Variants in STAG2 observed in about 807,000 individuals in gnomAD.
STAG2 encodes cohesin subunit SA-2.
Under a neutral mutation model 108.1 loss-of-function variants are expected in STAG2, and 14 were observed. The ratio of observed to expected loss-of-function variants is 0.13; its 90% CI spans 0.09 to 0.20. STAG2 has a LOEUF of 0.20. Among genes scored for constraint, STAG2 ranks in the 10% least tolerant of loss-of-function variants. The pLI is 1.00. For synonymous variants in STAG2, 307 were observed against 302.7 expected (o/e 1.01, Z -0.15); for missense variants, 440 against 940.9 (o/e 0.47, Z 6.96).
At chrX:124,027,203 G>A (rs1218990094) in intron 4 of STAG2, among the ~76,000 whole-genome samples, 1 of 112,131 alleles carries the variant, frequency 8.9e-6, no homozygotes, top group Admixed American at 9.5e-5. Flanking sequence ...ACAGGTGTGA[G>A]CCACCACGCC....
At chrX:124,094,288 T>C in intron 33 of STAG2, 144 bp downstream of exon 33, 1 of 520,161 alleles carries the variant, frequency 1.9e-6, no homozygotes, top group Non-Finnish European at 3.1e-6. Context: ...TTTAGATATA[T>C]GGGAAGGGAT....
rs1365892346 is a variant in STAG2 at position 124,101,123 on chromosome X, A to C, written c.*526A>C. 2.0e-5 allele frequency: 3 copies of C among 146,943 alleles called. No homozygotes were observed. Among genetic ancestry groups the C allele is most frequent in the Non-Finnish European group, 4.0e-5 (3 of 74,227 alleles). 12.1% of individuals were successfully genotyped at this position (146,943 alleles called of 1,213,427 possible). A position where few individuals can be genotyped will look rare whatever the true frequency, so the allele number is the denominator to read the frequency against. On this transcript the variant is annotated 3_prime_UTR_variant, in exon 35 of 35. Coordinates refer to ENST00000371145, the MANE Select transcript of STAG2 (RefSeq NM_001042750.2). ...CGTCAATCAACAAAACTTTGTTTTA[A>C]ATATTGTAATTGTGGAGAAAAGTAA...
At chrX:124,026,898 G>GT (rs929823970) in intron 4 of STAG2, among the ~76,000 whole-genome samples, 6 of 110,479 alleles carry the variant, frequency 5.4e-5, no homozygotes, top group Admixed American at 9.7e-5. Flanking sequence ...AAATTTATTT[G>GT]TTTTTTTGGA....
intron 1 of STAG2, among the ~76,000 whole-genome samples, chrX:123,976,533 A>T (rs199430): frequency 0.31 from 34,014 of 108,202 alleles, 4,834 homozygotes; most frequent in African/African-American, 0.52. Context: ...GTTTTTTTTT[A>T]AAGAAATGTA....
intron 3 of STAG2, among the ~76,000 whole-genome samples, chrX:124,024,786 C>G (rs1242403175): frequency 9.0e-6 from 1 of 111,615 alleles, no homozygotes; most frequent in Non-Finnish European, 1.9e-5. Flanking sequence ...GATAGCCTTT[C>G]ACTTCGATTC....
chrX:124,005,482 T>C (rs1470568251), intron 1 of STAG2, among the ~76,000 whole-genome samples: 1 of 111,715 alleles, frequency 9.0e-6, no homozygotes, highest in Non-Finnish European at 1.9e-5. Flanking sequence ...CTTCCTCTAT[T>C]TGGTTTCTAA....
chrX:124,020,171 T>C (rs2056877802), intron 1 of STAG2, among the ~76,000 whole-genome samples: 1 of 112,451 alleles, frequency 8.9e-6, no homozygotes, highest in African/African-American at 3.2e-5. Context: ...TCGCACAATA[T>C]TCATTTTATT....
chrX:124,038,995 C>T lies in STAG2; in HGVS notation c.385+1372C>T, dbSNP rs1245923056. 3.6e-5 allele frequency among the ~76,000 whole-genome samples: 4 copies of T among 109,901 alleles called. No homozygotes were observed. The Admixed American group carries it at 3.9e-4, about 11-fold the overall frequency. On this transcript the variant is annotated intron_variant, in intron 6 of 34. Transcript: ENST00000371145. ...TTCTGGGGTAGGATGGATATAAGTA[C>T]CTGCTTGTTGTGTCATATAATCAAG...
intron 6 of STAG2, 32 bp from the exon 7 acceptor site, chrX:124,042,537 A>G (rs1400979548): frequency 4.8e-6 from 5 of 1,048,649 alleles, no homozygotes; most frequent in Non-Finnish European, 6.7e-6. Context: ...TTATCACACC[A>G]TATATTAACT....
intron 1 of STAG2, among the ~76,000 whole-genome samples, chrX:123,990,388 A>G (rs2055398360): frequency 8.9e-6 from 1 of 111,885 alleles, no homozygotes; most frequent in Non-Finnish European, 1.9e-5. Context: ...CCTCTGCCAC[A>G]CAGAGGTACT....
chrX:124,079,129 T>C (rs963484240), intron 27 of STAG2, among the ~76,000 whole-genome samples: 31 of 109,256 alleles, frequency 2.8e-4, no homozygotes, highest in African/African-American at 1.0e-3. Context: ...CTTTTAGGAA[T>C]GTCCTTTTTT....
chrX:124,058,443 G>A (rs942310243), intron 15 of STAG2, among the ~76,000 whole-genome samples: 4 of 112,298 alleles, frequency 3.6e-5, no homozygotes, highest in Non-Finnish European at 7.5e-5. Context: ...GAGCCACTGC[G>A]CCCGGTCACT....
rs2059350668 is a variant in STAG2 at position 124,095,272 on chromosome X, G to T, written c.3706-100G>T. On this transcript the variant is annotated intron_variant, in intron 33 of 34. Coordinates refer to ENST00000371145, the MANE Select transcript of STAG2 (RefSeq NM_001042750.2). The stretch of plus-strand genomic sequence containing the variant: ...TAAAATATTGTGTCAGGTACACTTG[G>T]AATCACATAGACCATGTGAAGAACT... The T allele has an allele frequency of 1.7e-5, 11 of 651,742 alleles. No individual in the cohort carries two copies. The Middle Eastern group carries it at 1.3e-3, about 76-fold the overall frequency. 53.7% of individuals were successfully genotyped at this position (651,742 alleles called of 1,213,427 possible).
At chrX:124,050,435 T>TAG in intron 11 of STAG2, 126 bp downstream of exon 11, 3 of 746,400 alleles carry the variant, frequency 4.0e-6, no homozygotes, top group Non-Finnish European at 5.5e-6. Flanking sequence ...CCTTTATTCT[T>TAG]TTCTATCTTC....
intron 1 of STAG2, among the ~76,000 whole-genome samples, chrX:123,998,333 ATT>A (rs774285658): frequency 4.3e-5 from 4 of 93,427 alleles, no homozygotes; most frequent in Non-Finnish European, 4.3e-5. Flanking sequence ...TGCCCAACTA[ATT>A]TTTTTTTTTT....
At chrX:124,037,856 T>C (rs759486666) in intron 6 of STAG2, among the ~76,000 whole-genome samples, 3 of 112,637 alleles carry the variant, frequency 2.7e-5, no homozygotes, top group Non-Finnish European at 3.7e-5. Context: ...TTTATAATTA[T>C]TATGTTACTT....
intron 1 of STAG2, among the ~76,000 whole-genome samples, chrX:123,964,960 CTTTT>C (rs33913146): frequency 1.2e-5 from 1 of 80,141 alleles, no homozygotes; most frequent in Non-Finnish European, 2.4e-5. Context: ...AGGTAAGTGC[CTTTT>C]TTTTTTTTTT....
At chrX:124,051,692 G>A (rs1422886769) in intron 13 of STAG2, among the ~76,000 whole-genome samples, 2 of 109,618 alleles carry the variant, frequency 1.8e-5, no homozygotes, top group East Asian at 2.9e-4. Context: ...CCAGGTTCAC[G>A]CCATTCTCCT....
chrX:124,090,436 C>T, intron 30 of STAG2, 139 bp from the exon 31 acceptor site: 1 of 509,000 alleles, frequency 2.0e-6, no homozygotes, highest in Non-Finnish European at 3.3e-6. Context: ...AGGGACTGCC[C>T]CTTACATAGG....
Sources: gnomAD v4.1 joint callset for allele counts (sites outside exome capture counted in the v4.1 genomes callset) on GRCh38, gnomAD v4.1.1 for gene constraint, MANE v1.5 for transcripts, NCBI Gene and HGNC (gene_info 2026-07-23, HGNC 2026-07-21) for gene names.